Variants in CLIP1 observed in about 807,000 individuals in gnomAD.
CLIP1 encodes CAP-Gly domain-containing linker protein 1.
CLIP1 carries 66 observed loss-of-function variants against 161.6 expected under a neutral mutation model. The observed-to-expected ratio is 0.41, with a 90% CI of 0.33 to 0.50. The LOEUF is 0.50. Among genes scored for constraint, CLIP1 ranks in the 20% least tolerant of loss-of-function variants. CLIP1 has a pLI of 0.27. For missense variants in CLIP1, 1,376 were observed against 1,702.0 expected (o/e 0.81, Z 3.37); for synonymous variants, 598 against 626.2 (o/e 0.96, Z 0.67).
At chr12:122,317,990 T>A (rs1951335095) in intron 18 of CLIP1, among the ~76,000 whole-genome samples, 1 of 152,232 alleles carries the variant, frequency 6.6e-6, no homozygotes, top group Non-Finnish European at 1.5e-5. Flanking sequence ...GATTAACAGC[T>A]ATGATTTTTT....
chr12:122,368,526 T>C (rs10846699), intron 3 of CLIP1, among the ~76,000 whole-genome samples: 30,970 of 152,136 alleles, frequency 0.2, 3,527 homozygotes, highest in Admixed American at 0.26. Flanking sequence ...AGTGCCTGAG[T>C]GCATAAAGCT....
chr12:122,414,835 T>G (rs540396048), intron 1 of CLIP1, among the ~76,000 whole-genome samples: 2 of 152,084 alleles, frequency 1.3e-5, no homozygotes, highest in African/African-American at 4.8e-5. Flanking sequence ...AAATGCCAAC[T>G]TAAAGCATAC....
In CLIP1 at chr12:122,363,859, T is replaced by C. The variant is rs1953999365; in HGVS notation, c.782+124A>G. 3.0e-5 allele frequency: 40 copies of C among 1,353,718 alleles called. No homozygotes were observed. In the South Asian group the frequency reaches 5.2e-4, roughly 18 times the overall value. 83.9% of individuals were successfully genotyped at this position (1,353,718 alleles called of 1,614,324 possible). A position where few individuals can be genotyped will look rare whatever the true frequency, so the allele number is the denominator to read the frequency against. On this transcript the variant is annotated intron_variant, in intron 4 of 25. Coordinates refer to ENST00000620786, the MANE Select transcript of CLIP1 (RefSeq NM_001247997.2). The stretch of plus-strand genomic sequence containing the variant: ...GGAAAAAAAATTAGCAGATGGGTCT[T>C]AGGAAATAAAAGTGCCACTCTTCCA...
intron 4 of CLIP1, among the ~76,000 whole-genome samples, chr12:122,363,530 G>T (rs888157106): frequency 1.5e-4 from 22 of 151,244 alleles, no homozygotes; most frequent in Non-Finnish European, 1.2e-4. Context: ...TTATCCTTAC[G>T]ATGGAAGAGG....
At chr12:122,302,177 C>T (rs1026277741) in intron 20 of CLIP1, among the ~76,000 whole-genome samples, 4 of 152,094 alleles carry the variant, frequency 2.6e-5, no homozygotes, top group South Asian at 2.1e-4. Flanking sequence ...CTCAGCTCAC[C>T]GCAACCTCTG....
chr12:122,401,948 G>C (rs1956157539), intron 1 of CLIP1, among the ~76,000 whole-genome samples: 1 of 151,472 alleles, frequency 6.6e-6, no homozygotes, highest in Non-Finnish European at 1.5e-5. Context: ...AGTGAGCCGA[G>C]ATTTTGCCAT....
At chr12:122,370,267 G>A (rs1166581425) in intron 3 of CLIP1, among the ~76,000 whole-genome samples, 1 of 151,830 alleles carries the variant, frequency 6.6e-6, no homozygotes, top group Non-Finnish European at 1.5e-5. Context: ...GGTCGGGAGG[G>A]TGGGCAGGGT....
At position 122,271,781 on chromosome 12, in the gene CLIP1, G is replaced by A. The variant is rs1256051114; in HGVS notation, c.*1094C>T. ...TGAGGTCCTTCATTTTCTTTTTTGT[G>A]ATAAGAAAATCCAGAATTATTAACG... On this transcript the variant is annotated 3_prime_UTR_variant, in exon 26 of 26. Coordinates refer to ENST00000620786, the MANE Select transcript of CLIP1 (RefSeq NM_001247997.2). The A allele has an allele frequency of 6.6e-6, 1 of 152,534 alleles. No individual in the cohort carries two copies. The highest frequency in any genetic ancestry group is 2.4e-5 in the African/African-American group (1 of 41,422). The allele number at this position is 152,534 out of a possible 1,614,324, so 9.4% of individuals were successfully genotyped here.
At chr12:122,316,143 G>A (rs745326612) in intron 19 of CLIP1, among the ~76,000 whole-genome samples, 14 of 151,554 alleles carry the variant, frequency 9.2e-5, no homozygotes, top group South Asian at 2.1e-4. Context: ...ACTTGAGGTC[G>A]GAAGTTCAAG....
At position 122,377,560 on chromosome 12, in the gene CLIP1, G is replaced by A. The variant is rs1266431946; in HGVS notation, c.486C>T (p.Ser162=). ...STASMVSSSP[S]TPSNIPQKPS... ...GTTTCTGAGGGATGTTTGAAGGGGT[G>A]GAGGGGGAGGAAGACACCATGCTGG... The change falls in exon 3 of 26, where the codon TCC becomes TCT. Residue 162 remains serine, a synonymous_variant. Transcript: ENST00000620786. The A allele has an allele frequency of 6.2e-7, 1 of 1,614,038 alleles. No homozygotes were observed. The highest frequency in any genetic ancestry group is 1.6e-4 in the Middle Eastern group (1 of 6,062).
In CLIP1 at chr12:122,411,906, G is replaced by A. The variant is rs12227326; in HGVS notation, c.-107+10615C>T. Among the ~76,000 whole-genome samples the A allele has an allele frequency of 6.1e-3, 930 of 152,112 alleles. 6 individuals carry two copies. The highest frequency in any genetic ancestry group is 0.021 in the African/African-American group (870 of 41,502). On this transcript the variant is annotated intron_variant, in intron 1 of 25. Coordinates refer to ENST00000620786, the MANE Select transcript of CLIP1 (RefSeq NM_001247997.2). ...AATAAAACTGATAATGGTGATGGGT[G>A]CATAACTGCGAATATACTAAAAAAC... is the stretch of plus-strand genomic sequence containing the variant.
intron 1 of CLIP1, among the ~76,000 whole-genome samples, chr12:122,406,658 T>G (rs1329052174): frequency 6.6e-6 from 1 of 151,984 alleles, no homozygotes; most frequent in Non-Finnish European, 1.5e-5. Flanking sequence ...CTTAAGAAAA[T>G]TATATGTATT....
intron 9 of CLIP1, among the ~76,000 whole-genome samples, chr12:122,349,310 T>C (rs960018196): frequency 8.5e-5 from 13 of 152,248 alleles, no homozygotes; most frequent in African/African-American, 3.1e-4. Flanking sequence ...AATACACATT[T>C]AATGTGATCT....
intron 9 of CLIP1, among the ~76,000 whole-genome samples, chr12:122,349,895 T>G (rs892017956): frequency 7.1e-5 from 5 of 70,702 alleles, no homozygotes; most frequent in Admixed American, 1.4e-4. Context: ...TGTTTTTTTG[T>G]TTTTTTTGTT....
intron 1 of CLIP1, among the ~76,000 whole-genome samples, chr12:122,403,538 GCA>G (rs1319829515): frequency 7.8e-6 from 1 of 128,642 alleles, no homozygotes; most frequent in African/African-American, 2.9e-5. Context: ...TGTTTTTTTG[GCA>G]CAGAGTCTTA....
intron 6 of CLIP1, 28 bp from the exon 7 acceptor site, chr12:122,354,584 G>T: frequency 1.3e-6 from 2 of 1,571,982 alleles, no homozygotes; most frequent in Non-Finnish European, 1.8e-6. Context: ...GTCGGTAAAT[G>T]GACTATTTCT....
chr12:122,280,074 T>G (rs1052797420), intron 21 of CLIP1: 6 of 150,836 alleles, frequency 4.0e-5, no homozygotes, highest in Middle Eastern at 3.4e-3. Flanking sequence ...AAGTTGTGTG[T>G]TTTTTTTATT....
rs759987329 is a variant in CLIP1 at position 122,377,936 on chromosome 12, A to G, written c.110T>C (p.Ile37Thr). 16 of 1,610,100 alleles carry G rather than the reference A, an allele frequency of 9.9e-6. No homozygotes were observed. The South Asian group carries it at 1.8e-4, about 18-fold the overall frequency. The change falls in exon 3 of 26, where the codon ATA (isoleucine) becomes ACA (threonine). Residue 37 changes from isoleucine to threonine, a missense_variant. By Grantham distance (89) the Ile-to-Thr change is moderately conservative. Coordinates refer to ENST00000620786, the MANE Select transcript of CLIP1 (RefSeq NM_001247997.2). Reference protein sequence around the residue: ...TAVVAPVEKTISSEKASSTPS... With the variant: ...TAVVAPVEKTTSSEKASSTPS... ...AGTGCTTGATGCTTTTTCACTGGATATGGTTTTTTCTACTGGAGCTACAAC... is the reference window on the plus strand; with the variant it reads ...AGTGCTTGATGCTTTTTCACTGGATGTGGTTTTTTCTACTGGAGCTACAAC...
chr12:122,302,557 G>T (rs1950724344), intron 20 of CLIP1, among the ~76,000 whole-genome samples: 1 of 151,844 alleles, frequency 6.6e-6, no homozygotes, highest in South Asian at 2.1e-4. Context: ...TCCTTTACTT[G>T]GGGAAATTTC....
Sources: allele counts gnomAD v4.1 joint callset (sites outside exome capture counted in the v4.1 genomes callset), GRCh38; gene constraint gnomAD v4.1.1; transcripts MANE v1.5; gene names NCBI Gene and HGNC (gene_info 2026-07-23, HGNC 2026-07-21).